CNTN5: variants seen among roughly 807,000 people sequenced by gnomAD.
The protein encoded by CNTN5 is contactin-5.
Under a neutral mutation model 129.1 loss-of-function variants are expected in CNTN5, and 77 were observed. The observed-to-expected ratio is 0.60, with a 90% CI of 0.50 to 0.72. The LOEUF is 0.72. Among genes scored for constraint, CNTN5 ranks in the 30% least tolerant of loss-of-function variants. The pLI, the probability that CNTN5 is intolerant of heterozygous loss-of-function variation, is 0.00. For missense variants in CNTN5, 1,478 were observed against 1,328.8 expected (o/e 1.11, Z -1.75); for synonymous variants, 509 against 465.6 (o/e 1.09, Z -1.20).
chr11:99,112,188 T>C (rs1234436363), intron 1 of CNTN5, among the ~76,000 whole-genome samples: 1 of 152,024 alleles, frequency 6.6e-6, no homozygotes. Context: ...CACACTGAAT[T>C]TTATTGTTTA....
chr11:100,021,626 A>C (rs186790454), intron 9 of CNTN5, among the ~76,000 whole-genome samples: 3 of 152,316 alleles, frequency 2.0e-5, no homozygotes, highest in Admixed American at 2.0e-4. Context: ...TAATACAGAT[A>C]CTTCAGCTTT....
chr11:99,982,088 G>A (rs1445803893), intron 8 of CNTN5, among the ~76,000 whole-genome samples: 1 of 152,190 alleles, frequency 6.6e-6, no homozygotes. Flanking sequence ...ATGTTATCTA[G>A]CCTTGTTAAT....
chr11:99,614,024 G>A (rs1463673707), intron 3 of CNTN5, among the ~76,000 whole-genome samples: 2 of 152,258 alleles, frequency 1.3e-5, no homozygotes, highest in African/African-American at 4.8e-5. Context: ...TATAGCATGT[G>A]AATTATGTTT....
intron 21 of CNTN5, among the ~76,000 whole-genome samples, chr11:100,324,183 C>A (rs939247580): frequency 6.6e-6 from 1 of 152,016 alleles, no homozygotes; most frequent in Non-Finnish European, 1.5e-5. Context: ...TGATTAGTAG[C>A]AGTAACAAAT....
chr11:99,788,037 G>C (rs189432838), intron 3 of CNTN5, among the ~76,000 whole-genome samples: 27 of 151,932 alleles, frequency 1.8e-4, no homozygotes, highest in Non-Finnish European at 3.1e-4. Flanking sequence ...AACTTTCTTT[G>C]TGTTCTTGGC....
intron 1 of CNTN5, among the ~76,000 whole-genome samples, chr11:99,068,729 A>C (rs1397725289): frequency 1.3e-5 from 2 of 152,220 alleles, no homozygotes; most frequent in Non-Finnish European, 2.9e-5. Flanking sequence ...AAGTATGTGA[A>C]GACAAGGCAG....
At chr11:99,988,675 C>T (rs933768922) in intron 8 of CNTN5, among the ~76,000 whole-genome samples, 1 of 152,054 alleles carries the variant, frequency 6.6e-6, no homozygotes, top group Non-Finnish European at 1.5e-5. Flanking sequence ...AGGAAGGGAC[C>T]GAGTCCAAAT....
At chr11:99,063,179 A>C (rs11218273) in intron 1 of CNTN5, among the ~76,000 whole-genome samples, 60,899 of 151,920 alleles carry the variant, frequency 0.4, 12,933 homozygotes, top group Non-Finnish European at 0.48. Context: ...AAAATTTATC[A>C]CAGCCAGTAA....
At chr11:99,343,556 G>A (rs1272838011) in intron 2 of CNTN5, among the ~76,000 whole-genome samples, 1 of 152,126 alleles carries the variant, frequency 6.6e-6, no homozygotes, top group Admixed American at 6.5e-5. Flanking sequence ...AAAGCCCTGT[G>A]CATAGTTTTA....
intron 2 of CNTN5, among the ~76,000 whole-genome samples, chr11:99,496,522 A>G (rs920596274): frequency 1.3e-5 from 2 of 152,218 alleles, no homozygotes; most frequent in Admixed American, 6.5e-5. Context: ...GTCTTACCTA[A>G]TGTAAGTTTC....
intron 13 of CNTN5, among the ~76,000 whole-genome samples, chr11:100,160,875 C>T (rs1201727317): frequency 1.3e-5 from 2 of 151,774 alleles, no homozygotes; most frequent in Non-Finnish European, 2.9e-5. Context: ...TAATATGTAA[C>T]TAAGATACAA....
intron 2 of CNTN5, among the ~76,000 whole-genome samples, chr11:99,552,740 GATTGC>G (rs1292524051): frequency 6.6e-6 from 1 of 152,026 alleles, no homozygotes; most frequent in Non-Finnish European, 1.5e-5. Flanking sequence ...ACAGGGACCG[GATTGC>G]ATACGGCCGT....
intron 1 of CNTN5, among the ~76,000 whole-genome samples, chr11:99,227,126 C>T (rs538570551): frequency 3.2e-4 from 48 of 151,984 alleles, no homozygotes; most frequent in African/African-American, 1.0e-3. Context: ...TTTGGGAGGC[C>T]GAGGTGGGTG....
At chr11:99,522,009 A>C (rs75478020) in intron 2 of CNTN5, among the ~76,000 whole-genome samples, 3,415 of 152,204 alleles carry the variant, frequency 0.022, 104 homozygotes, top group East Asian at 0.094. Flanking sequence ...GGGTAATAAA[A>C]AAAATGAATA....
At chr11:99,430,171 C>T (rs1017394834) in intron 2 of CNTN5, among the ~76,000 whole-genome samples, 1 of 151,402 alleles carries the variant, frequency 6.6e-6, no homozygotes, top group African/African-American at 2.4e-5. Flanking sequence ...CACTTGATAC[C>T]AAAGATGGTA....
chr11:99,904,631 A>G (rs1949448215), intron 6 of CNTN5, among the ~76,000 whole-genome samples: 1 of 152,140 alleles, frequency 6.6e-6, no homozygotes, highest in Non-Finnish European at 1.5e-5. Context: ...TAGTAGAATG[A>G]TATATAATCC....
rs1159052642 is a variant in CNTN5 at position 99,819,624 on chromosome 11, T to C, written c.136T>C (p.Phe46Leu). 1.2e-6 allele frequency: 2 copies of C among 1,612,962 alleles called. No homozygotes were observed. The highest frequency in any genetic ancestry group is 1.7e-6 in the Non-Finnish European group (2 of 1,179,842). ...TAAGAAGAGTTCATCTTCATCTCTC[T>C]TTGGTTCCAAAACCAGACCACGATA... is the stretch of plus-strand genomic sequence containing the variant. The part of the protein sequence containing the change: ...RIKKSSSSSL[F>L]GSKTRPRYSS... The change falls in exon 4 of 25, where the codon TTT becomes CTT. Residue 46 changes from phenylalanine to leucine, a missense_variant. Physicochemically the swap from Phe to Leu is conservative, Grantham distance 22. Transcript: ENST00000524871.
At chr11:100,336,952 C>T (rs980676226) in intron 21 of CNTN5, 4 of 703,256 alleles carry the variant, frequency 5.7e-6, no homozygotes, top group African/African-American at 5.2e-5. Context: ...CGGGCACCTT[C>T]TTAGGCAGAA....
chr11:99,818,698 A>G (rs1471159500), intron 3 of CNTN5, among the ~76,000 whole-genome samples: 1 of 151,596 alleles, frequency 6.6e-6, no homozygotes, highest in East Asian at 1.9e-4. Flanking sequence ...AATTTGATCC[A>G]TATACTAAAC....
Sources: gnomAD v4.1 joint callset for allele counts (sites outside exome capture counted in the v4.1 genomes callset) on GRCh38, gnomAD v4.1.1 for gene constraint, MANE v1.5 for transcripts, NCBI Gene and HGNC (gene_info 2026-07-23, HGNC 2026-07-21) for gene names.